PLA2G2D: variants seen among roughly 807,000 people sequenced by gnomAD.
The protein encoded by PLA2G2D is group IID secretory phospholipase A2.
In PLA2G2D, 17 loss-of-function variants were observed where a neutral mutation model predicts 13.9. The observed-to-expected ratio is 1.23, with a 90% CI of 0.84 to 1.84. The LOEUF is 1.84. PLA2G2D is among the 40% of genes most tolerant of loss of function. The pLI, the probability that PLA2G2D is intolerant of heterozygous loss-of-function variation, is 0.00. For synonymous variants in PLA2G2D, 83 were observed against 69.3 expected (o/e 1.20, Z -0.98); for missense variants, 194 against 178.7 (o/e 1.09, Z -0.49).
rs751811898 is a variant in PLA2G2D at position 20,114,114 on chromosome 1, C to CT, written c.437dup (p.Ter146=). The CT allele has an allele frequency of 2.5e-6, 4 of 1,612,544 alleles. No homozygotes were observed. The highest frequency in any genetic ancestry group is 3.4e-6 in the Non-Finnish European group (4 of 1,179,718). The stretch of plus-strand genomic sequence containing the variant: ...GGAACAGGGTAGAGGGTGTGGGCTT[C>CT]TAGCACCCAGGGGTCTGCCCCCGGC... ...PHCRGQTPGC[*] Residue 146 remains the stop codon, a frameshift_variant and stop_retained_variant, in exon 4 of 4, where the codon TAG becomes TAAG. Coordinates refer to ENST00000375105, the MANE Select transcript of PLA2G2D (RefSeq NM_012400.4). LOFTEE classifies it high-confidence loss of function.
chr1:20,114,127 G>T lies in PLA2G2D; in HGVS notation c.425C>A (p.Thr142Asn). The T allele has an allele frequency of 6.2e-7, 1 of 1,613,168 alleles. No individual in the cohort carries two copies. Among genetic ancestry groups the T allele is most frequent in the South Asian group, 1.1e-5 (1 of 91,006 alleles). The change falls in exon 4 of 4, where the codon ACC (threonine) becomes AAC (asparagine). Residue 142 changes from threonine to asparagine, a missense_variant. Transcript: ENST00000375105. The stretch of plus-strand genomic sequence containing the variant: ...GGGTGTGGGCTTCTAGCACCCAGGG[G>T]TCTGCCCCCGGCAGTGGGGCCGCCA... The part of the protein sequence containing the change: ...FYWRPHCRGQ[T>N]PGC
At chr1:20,116,202 T>C in intron 2 of PLA2G2D, 131 bp downstream of exon 2, 9 of 961,952 alleles carry the variant, frequency 9.4e-6, no homozygotes, top group Non-Finnish European at 1.5e-5. Context: ...TGGCACCCAG[T>C]GGTATTTAGC....
At position 20,113,242 on chromosome 1, in the gene PLA2G2D, GC is replaced by G. The variant is rs2016920159; in HGVS notation, c.*871del. 1 of 152,442 alleles carries G rather than the reference GC, an allele frequency of 6.6e-6. No individual in the cohort carries two copies. The highest frequency in any genetic ancestry group is 6.5e-5 in the Admixed American group (1 of 15,298). 9.4% of individuals were successfully genotyped at this position (152,442 alleles called of 1,614,324 possible). ...TGCCACTCTAGGCCAAGCTAGGTAA[GC>G]GGCAGAGCCATGAAGCATTGTGGGA... is the stretch of plus-strand genomic sequence containing the variant. On this transcript the variant is annotated 3_prime_UTR_variant, in exon 4 of 4. Coordinates refer to ENST00000375105, the MANE Select transcript of PLA2G2D (RefSeq NM_012400.4).
In PLA2G2D at chr1:20,115,731, T is replaced by C. The variant is rs146072645; in HGVS notation, c.186-118A>G. 7.7e-4 allele frequency: 556 copies of C among 717,908 alleles called. 7 individuals are homozygous for C. In the African/African-American group the frequency reaches 8.6e-3, roughly 11 times the overall value. The allele number at this position is 717,908 out of a possible 1,614,324, so 44.5% of individuals were successfully genotyped here. On this transcript the variant is annotated intron_variant, in intron 2 of 3. Coordinates refer to ENST00000375105, the MANE Select transcript of PLA2G2D (RefSeq NM_012400.4). The stretch of plus-strand genomic sequence containing the variant: ...TGGGAAGAGTCAAGGCCTGCAGGGC[T>C]GCAGTCTTCCTCAGGATCATGATGA...
In PLA2G2D at chr1:20,115,560, C is replaced by T. The variant is rs967363344; in HGVS notation, c.239G>A (p.Ser80Asn). The T allele has an allele frequency of 8.1e-6, 13 of 1,612,948 alleles. No individual in the cohort carries two copies. The highest frequency in any genetic ancestry group is 1.0e-5 in the Non-Finnish European group (12 of 1,178,968). ...GTATCTGTAATAGTCCTTGTAGATG[C>T]TGCACCCCTGGGTCTTCAGGTGGTC... ...CYDHLKTQGCSIYKDYYRYNF... is the reference protein window; with the variant it reads ...CYDHLKTQGCNIYKDYYRYNF... The change falls in exon 3 of 4, where the codon AGC becomes AAC. Residue 80 changes from serine (S) to asparagine (N), a missense_variant. Coordinates refer to ENST00000375105, the MANE Select transcript of PLA2G2D (RefSeq NM_012400.4).
At chr1:20,117,701 C>T (rs745573263) in intron 1 of PLA2G2D, among the ~76,000 whole-genome samples, 2 of 152,040 alleles carry the variant, frequency 1.3e-5, no homozygotes, top group African/African-American at 2.4e-5. Context: ...GCACACGTCC[C>T]GATGGAGCCC....
intron 1 of PLA2G2D, among the ~76,000 whole-genome samples, chr1:20,118,065 G>A (rs973126194): frequency 3.3e-5 from 5 of 152,028 alleles, no homozygotes; most frequent in East Asian, 1.9e-4. Context: ...GAAGGATCCC[G>A]GGCCCTCTGG....
intron 1 of PLA2G2D, among the ~76,000 whole-genome samples, chr1:20,116,679 T>C (rs1484230639): frequency 1.3e-5 from 2 of 152,084 alleles, no homozygotes; most frequent in East Asian, 3.9e-4. Context: ...CCCAGCACTT[T>C]GGGAGACAAA....
At chr1:20,114,365 G>T in intron 3 of PLA2G2D, 106 bp from the exon 4 acceptor site, 1 of 1,207,574 alleles carries the variant, frequency 8.3e-7, no homozygotes. Flanking sequence ...CAGTCGTAGA[G>T]GTACCGGTCC....
intron 1 of PLA2G2D, among the ~76,000 whole-genome samples, chr1:20,118,609 T>A (rs188664982): frequency 6.6e-6 from 1 of 152,360 alleles, no homozygotes. Context: ...TAGTGTCTGT[T>A]TTCCCATTAG....
intron 2 of PLA2G2D, 81 bp from the exon 3 acceptor site, chr1:20,115,694 C>G: frequency 3.5e-6 from 3 of 867,794 alleles, no homozygotes; most frequent in Non-Finnish European, 5.9e-6. Flanking sequence ...GAGAAGAACC[C>G]GTGTCCCCAC....
intron 1 of PLA2G2D, among the ~76,000 whole-genome samples, chr1:20,117,087 C>T (rs1388016417): frequency 1.4e-4 from 22 of 152,118 alleles, no homozygotes; most frequent in Admixed American, 1.4e-3. Flanking sequence ...GGAATAATTC[C>T]AGATGTACAA....
At chr1:20,115,468 TG>T in intron 3 of PLA2G2D, 38 bp downstream of exon 3, 1 of 1,182,042 alleles carries the variant, frequency 8.5e-7, no homozygotes, top group Non-Finnish European at 1.3e-6. Context: ...TCTCCCTTCC[TG>T]GGGTCTCCAG....
chr1:20,116,188 G>A (rs62541870), intron 2 of PLA2G2D, 145 bp downstream of exon 2: 1,071 of 879,174 alleles, frequency 1.2e-3, no homozygotes, highest in Non-Finnish European at 1.4e-3. Context: ...GGCTGGGACC[G>A]TATTGGCACC....
Position 20,116,352 on chromosome 1 carries a change from G to A in PLA2G2D, c.166C>T (p.Pro56Ser), listed in dbSNP as rs776747235. The change falls in exon 2 of 4, where the codon CCC becomes TCC. Residue 56 changes from proline (P) to serine (S), a missense_variant. Transcript: ENST00000375105. Reference sequence around the variant, plus strand: ...AGTTACCAGTCCGTGGCATCTTTGGGTTGGCCTCTGCCACCTAGTCCGCAG... The same window carrying A: ...AGTTACCAGTCCGTGGCATCTTTGGATTGGCCTCTGCCACCTAGTCCGCAG... ...CHCGLGGRGQ[P>S]KDATDWCCQT... 1 of 1,614,200 alleles carries A rather than the reference G, an allele frequency of 6.2e-7. No homozygotes were observed. The highest frequency in any genetic ancestry group is 1.1e-5 in the South Asian group (1 of 91,084).
rs1264591462 is a variant in PLA2G2D, at chr1:20,114,106, G to C, written c.*8C>G. 6.2e-7 allele frequency: 1 copy of C among 1,611,822 alleles called. No individual in the cohort carries two copies. Among genetic ancestry groups the C allele is most frequent in the Non-Finnish European group, 8.5e-7 (1 of 1,179,366 alleles). ...CATGCTGAGGAACAGGGTAGAGGGTGTGGGCTTCTAGCACCCAGGGGTCTG... is the reference window on the plus strand; with the variant it reads ...CATGCTGAGGAACAGGGTAGAGGGTCTGGGCTTCTAGCACCCAGGGGTCTG... On this transcript the variant is annotated 3_prime_UTR_variant, in exon 4 of 4. Transcript: ENST00000375105.
At chr1:20,118,844 C>G (rs1002852394) in intron 1 of PLA2G2D, among the ~76,000 whole-genome samples, 2 of 152,122 alleles carry the variant, frequency 1.3e-5, no homozygotes, top group Admixed American at 6.5e-5. Flanking sequence ...TTGCTGTAAT[C>G]CTGGAGACAT....
At chr1:20,116,893 G>A (rs558680985) in intron 1 of PLA2G2D, among the ~76,000 whole-genome samples, 2 of 151,916 alleles carry the variant, frequency 1.3e-5, no homozygotes, top group African/African-American at 4.8e-5. Flanking sequence ...GGTGGGAGGT[G>A]GAGGCTGCAG....
rs1474204749 is a variant in PLA2G2D, at chr1:20,112,073, TC to T, written c.*2040del. 6.6e-6 allele frequency: 1 copy of T among 151,970 alleles called. No individual in the cohort carries two copies. The highest frequency in any genetic ancestry group is 1.5e-5 in the Non-Finnish European group (1 of 67,996). The allele number at this position is 151,970 out of a possible 1,614,324, so 9.4% of individuals were successfully genotyped here. A position where few individuals can be genotyped will look rare whatever the true frequency, so the allele number is the denominator to read the frequency against. On this transcript the variant is annotated 3_prime_UTR_variant, in exon 4 of 4. Transcript: ENST00000375105. ...CCTCTGCCTCCCAGGTCCAAGTGATTCTCCTGCCTCAGCCTCCTGAATAGCT... is the reference window on the plus strand; with the variant it reads ...CCTCTGCCTCCCAGGTCCAAGTGATTTCCTGCCTCAGCCTCCTGAATAGCT...
Sources: gnomAD v4.1 joint callset for allele counts (sites outside exome capture counted in the v4.1 genomes callset) on GRCh38, gnomAD v4.1.1 for gene constraint, MANE v1.5 for transcripts, NCBI Gene and HGNC (gene_info 2026-07-23, HGNC 2026-07-21) for gene names.